Variants in FRMD4A observed in about 807,000 individuals in gnomAD.
FRMD4A encodes FERM domain containing 4A, also known as FERM domain-containing protein 4A.
In FRMD4A, 29 loss-of-function variants were observed where a neutral mutation model predicts 129.1. The observed-to-expected ratio is 0.22, with a 90% CI of 0.17 to 0.31. The LOEUF (loss-of-function observed/expected upper bound fraction) is 0.31. Ranked by LOEUF, FRMD4A falls within the 10% of genes least tolerant of loss-of-function variation. The pLI, the probability that FRMD4A is intolerant of heterozygous loss-of-function variation, is 1.00. For missense variants in FRMD4A, 1,272 were observed against 1,375.8 expected (o/e 0.92, Z 1.19); for synonymous variants, 634 against 571.6 (o/e 1.11, Z -1.56).
chr10:13,772,188 A>T (rs1338733292), intron 6 of FRMD4A, among the ~76,000 whole-genome samples: 1 of 107,614 alleles, frequency 9.3e-6, no homozygotes, highest in Non-Finnish European at 2.2e-5. Context: ...ATATATAATT[A>T]TTATATAATA....
At position 13,747,768 on chromosome 10, in the gene FRMD4A, T is replaced by C. The variant is rs1250306540; in HGVS notation, c.516A>G (p.Gln172=). 6.2e-7 allele frequency: 1 copy of C among 1,605,276 alleles called. No homozygotes were observed. The highest frequency in any genetic ancestry group is 2.2e-5 in the East Asian group (1 of 44,790). The change falls in exon 9 of 25, where the codon CAA becomes CAG. Residue 172 remains glutamine, a synonymous_variant. Transcript: ENST00000357447. ...DLKKLPALPT[Q]ALKEHPSLAY... ...CCAGGGAAGGGTGCTCCTTCAGGGC[T>C]TGGGTGGGAAGGGCTGGCAGCTTCT...
intron 18 of FRMD4A, among the ~76,000 whole-genome samples, 174 bp from the exon 19 acceptor site, chr10:13,663,683 G>A (rs2082805962): frequency 6.6e-6 from 1 of 152,132 alleles, no homozygotes; most frequent in African/African-American, 2.4e-5. Context: ...CCCCGTGGTG[G>A]GTCATTGGCT....
chr10:13,912,141 T>C (rs2094947175), intron 2 of FRMD4A, among the ~76,000 whole-genome samples: 1 of 152,214 alleles, frequency 6.6e-6, no homozygotes, highest in Non-Finnish European at 1.5e-5. Context: ...ACTTTGACAA[T>C]GAACCCTTTA....
intron 2 of FRMD4A, among the ~76,000 whole-genome samples, chr10:14,030,567 A>T (rs967706112): frequency 1.3e-5 from 2 of 152,250 alleles, no homozygotes; most frequent in African/African-American, 4.8e-5. Context: ...TGTTTGTTTA[A>T]GTAAAACAAG....
At chr10:13,703,707 A>C (rs1186443718) in intron 13 of FRMD4A, among the ~76,000 whole-genome samples, 1 of 152,236 alleles carries the variant, frequency 6.6e-6, no homozygotes, top group Admixed American at 6.5e-5. Flanking sequence ...AAGCACCGCG[A>C]GGTTCACTTC....
At chr10:13,832,431 G>A (rs1411005934) in intron 3 of FRMD4A, among the ~76,000 whole-genome samples, 2 of 152,198 alleles carry the variant, frequency 1.3e-5, no homozygotes, top group African/African-American at 4.8e-5. Context: ...CTAAATTAGT[G>A]ATTTCAGCCT....
intron 2 of FRMD4A, among the ~76,000 whole-genome samples, chr10:13,968,066 T>C (rs1040544606): frequency 8.5e-5 from 13 of 152,262 alleles, no homozygotes; most frequent in African/African-American, 2.6e-4. Context: ...TCCCCAGTGA[T>C]CCTGATGCTG....
chr10:14,014,932 C>T (rs914571633), intron 2 of FRMD4A, among the ~76,000 whole-genome samples: 2 of 127,278 alleles, frequency 1.6e-5, no homozygotes, highest in African/African-American at 5.8e-5. Flanking sequence ...TTCCTTACTT[C>T]TTCCTTTCTT....
At chr10:13,891,868 C>T (rs1217841405) in intron 2 of FRMD4A, 3 of 405,558 alleles carry the variant, frequency 7.4e-6, no homozygotes, top group Non-Finnish European at 3.3e-6. Flanking sequence ...GCCCCGCCGC[C>T]GGCCCGCCCC....
chr10:13,817,742 A>G (rs12413238), intron 3 of FRMD4A, among the ~76,000 whole-genome samples: 2,219 of 152,318 alleles, frequency 0.015, 125 homozygotes, highest in East Asian at 0.14. Context: ...CTGTGAGTTC[A>G]CTAAACCTCT....
chr10:13,761,485 C>T (rs1157145885), intron 8 of FRMD4A, among the ~76,000 whole-genome samples, 162 bp downstream of exon 8: 1 of 152,198 alleles, frequency 6.6e-6, no homozygotes, highest in African/African-American at 2.4e-5. Context: ...TTTTCTCCAC[C>T]TGATCTATCT....
intron 2 of FRMD4A, among the ~76,000 whole-genome samples, chr10:14,324,759 C>T (rs977347781): frequency 5.3e-5 from 8 of 152,236 alleles, no homozygotes; most frequent in Non-Finnish European, 1.0e-4. Context: ...CTCCTTGGTT[C>T]AAGTGATTCT....
At chr10:14,329,388 T>G (rs762238176) in intron 2 of FRMD4A, among the ~76,000 whole-genome samples, 5 of 152,218 alleles carry the variant, frequency 3.3e-5, no homozygotes, top group Non-Finnish European at 5.9e-5. Context: ...AGTGCCCATG[T>G]CCTTGTGTGC....
At position 13,732,763 on chromosome 10, in the gene FRMD4A, C is replaced by T. The variant is rs546533419; in HGVS notation, c.759+5081G>A. On this transcript the variant is annotated intron_variant, in intron 12 of 24. Transcript: ENST00000357447. ...GGCATCCCCTGGAGTGCCACCCCTCCCAGATGGCTCACCCAGCCATGAGGC... is the reference window on the plus strand; with the variant it reads ...GGCATCCCCTGGAGTGCCACCCCTCTCAGATGGCTCACCCAGCCATGAGGC... Among the ~76,000 whole-genome samples the T allele has an allele frequency of 1.7e-3, 258 of 152,320 alleles. 5 individuals are homozygous for T. Among genetic ancestry groups the T allele is most frequent in the South Asian group, 6.4e-3 (31 of 4,826 alleles).
intron 2 of FRMD4A, among the ~76,000 whole-genome samples, chr10:14,315,741 T>C (rs1846716237): frequency 6.6e-6 from 1 of 152,220 alleles, no homozygotes; most frequent in South Asian, 2.1e-4. Flanking sequence ...CATATGATCC[T>C]CTACTCTTCC....
At chr10:13,784,809 GT>G (rs1220773304) in intron 5 of FRMD4A, among the ~76,000 whole-genome samples, 1 of 152,118 alleles carries the variant, frequency 6.6e-6, no homozygotes, top group Non-Finnish European at 1.5e-5. Flanking sequence ...GGCCACCATG[GT>G]GAAACCCCTG....
At chr10:13,665,474 A>T (rs1426343359) in intron 18 of FRMD4A, among the ~76,000 whole-genome samples, 1 of 152,208 alleles carries the variant, frequency 6.6e-6, no homozygotes, top group Non-Finnish European at 1.5e-5. Context: ...GACAAGAAGG[A>T]TTCTAACAGT....
chr10:13,860,326 A>T lies in FRMD4A; in HGVS notation c.46-1414T>A, dbSNP rs1417944264. Among the ~76,000 whole-genome samples the T allele has an allele frequency of 2.0e-5, 3 of 152,204 alleles. No homozygotes were observed. The East Asian group carries it at 5.8e-4, about 29-fold the overall frequency. The stretch of plus-strand genomic sequence containing the variant: ...ATTTTTATTATCTTTGTTTGTTAAC[A>T]CCATGTGTTTAAGCATGTGTACATA... On this transcript the variant is annotated intron_variant, in intron 2 of 24. Coordinates refer to ENST00000357447, the MANE Select transcript of FRMD4A (RefSeq NM_018027.5).
intron 15 of FRMD4A, among the ~76,000 whole-genome samples, chr10:13,688,218 A>G (rs554623096): frequency 6.6e-6 from 1 of 152,342 alleles, no homozygotes; most frequent in East Asian, 1.9e-4. Flanking sequence ...GCAGCCATAA[A>G]AAATGATGAG....
Sources: allele counts gnomAD v4.1 joint callset (sites outside exome capture counted in the v4.1 genomes callset), GRCh38; gene constraint gnomAD v4.1.1; transcripts MANE v1.5; gene names NCBI Gene and HGNC (gene_info 2026-07-23, HGNC 2026-07-21).